Variants in PARP12 observed in about 807,000 individuals in gnomAD.
The protein encoded by PARP12 is poly(ADP-ribose) polymerase family member 12.
PARP12 carries 59 observed loss-of-function variants against 72.4 expected under a neutral mutation model. The ratio of observed to expected loss-of-function variants is 0.81; its 90% CI spans 0.66 to 1.01. The LOEUF (loss-of-function observed/expected upper bound fraction) is 1.01. Among genes scored for constraint, PARP12 ranks in the 50% least tolerant of loss-of-function variants. PARP12 has a pLI of 0.00. For synonymous variants in PARP12, 403 were observed against 371.4 expected, an observed-to-expected ratio of 1.09 and a Z score of -0.98; for missense variants, 851 against 914.0, an observed-to-expected ratio of 0.93 and a Z score of 0.89.
intron 4 of PARP12, among the ~76,000 whole-genome samples, chr7:140,050,646 T>C (rs976698388): frequency 2.0e-5 from 3 of 152,124 alleles, no homozygotes; most frequent in African/African-American, 7.2e-5. Context: ...GAAACAGCGA[T>C]ACCTAAGGAC....
At chr7:140,054,885 G>C in intron 3 of PARP12, 122 bp from the exon 4 acceptor site, 2 of 789,938 alleles carry the variant, frequency 2.5e-6, no homozygotes, top group Non-Finnish European at 4.1e-6. Context: ...GCCCTATCGT[G>C]TTTGGGGTGA....
At chr7:140,033,094 A>G (rs1585085533) in intron 8 of PARP12, 3 of 720,818 alleles carry the variant, frequency 4.2e-6, no homozygotes, top group Non-Finnish European at 5.1e-6. Flanking sequence ...CTGGGACTAC[A>G]GGCGCACAGG....
At chr7:140,046,751 TG>T in intron 5 of PARP12, 132 bp downstream of exon 5, 1 of 867,372 alleles carries the variant, frequency 1.2e-6, no homozygotes, top group Non-Finnish European at 1.8e-6. Context: ...TGTGTGTGTG[TG>T]TGTGTCACAC....
At chr7:140,053,629 G>GTATATATATATA (rs747571766) in intron 4 of PARP12, among the ~76,000 whole-genome samples, 1 of 151,730 alleles carries the variant, frequency 6.6e-6, no homozygotes, top group East Asian at 1.9e-4. Context: ...ATATATGTGT[G>GTATATATATATA]TGTATATATA....
At chr7:140,027,934 C>A (rs1815797639) in intron 9 of PARP12, among the ~76,000 whole-genome samples, 1 of 152,112 alleles carries the variant, frequency 6.6e-6, no homozygotes, top group African/African-American at 2.4e-5. Context: ...ACATGTTGAA[C>A]CCCTTTAGGT....
In PARP12 at chr7:140,027,333, T is replaced by A; in HGVS notation, c.1571A>T (p.Tyr524Phe). ...TACTCGCTCAATCTTCTGAACAAAGTAGAAAGGCAGCGTGCGGTTAAAGAG... is the reference window on the plus strand; with the variant it reads ...TACTCGCTCAATCTTCTGAACAAAGAAGAAAGGCAGCGTGCGGTTAAAGAG... Reference protein sequence around the residue: ...WNLFNRTLPFYFVQKIERVQN... With the variant: ...WNLFNRTLPFFFVQKIERVQN... Residue 524 changes from tyrosine (Y) to phenylalanine (F), a missense_variant, in exon 10 of 12, where the codon TAC (tyrosine) becomes TTC (phenylalanine). Transcript: ENST00000263549. 1 of 1,613,832 alleles carries A rather than the reference T, an allele frequency of 6.2e-7. No homozygotes were observed. Among genetic ancestry groups the A allele is most frequent in the Non-Finnish European group, 8.5e-7 (1 of 1,179,968 alleles).
chr7:140,062,455 G>A (rs965498388), intron 1 of PARP12, 67 bp downstream of exon 1: 35 of 1,433,358 alleles, frequency 2.4e-5, no homozygotes, highest in Non-Finnish European at 3.1e-5. Context: ...GGACCCCCAA[G>A]CGGGCTGGAA....
intron 4 of PARP12, among the ~76,000 whole-genome samples, chr7:140,052,373 G>C (rs779177487): frequency 6.6e-6 from 1 of 152,058 alleles, no homozygotes; most frequent in Non-Finnish European, 1.5e-5. Flanking sequence ...GATGTGCATA[G>C]CTCCATCTTT....
chr7:140,041,891 C>T (rs777812249), intron 5 of PARP12, 52 bp from the exon 6 acceptor site: 1 of 1,450,930 alleles, frequency 6.9e-7, no homozygotes, highest in South Asian at 1.2e-5. Context: ...CAAGCAGACA[C>T]AGGTCCCTCA....
At chr7:140,048,765 C>T (rs1816838586) in intron 4 of PARP12, among the ~76,000 whole-genome samples, 1 of 152,114 alleles carries the variant, frequency 6.6e-6, no homozygotes, top group Admixed American at 6.5e-5. Context: ...AAAAATTATA[C>T]ATCTAATTAA....
rs560316636 is a variant in PARP12 at position 140,034,439 on chromosome 7, T to C, written c.1325-108A>G. ...AGATAGATTTGAAAGCTTATCCAAA[T>C]GTGTAAAACCCAGAATCAGTCTGTT... is the stretch of plus-strand genomic sequence containing the variant. On this transcript the variant is annotated intron_variant, in intron 7 of 11. Coordinates refer to ENST00000263549, the MANE Select transcript of PARP12 (RefSeq NM_022750.4). 1.4e-5 allele frequency: 13 copies of C among 930,420 alleles called. 1 individual carries two copies. The Admixed American group carries it at 2.0e-4, about 14-fold the overall frequency. 57.6% of individuals were successfully genotyped at this position (930,420 alleles called of 1,614,324 possible).
chr7:140,062,683 C>G lies in PARP12; in HGVS notation c.165G>C (p.Ala55=). 1.6e-6 allele frequency: 2 copies of G among 1,281,990 alleles called. No homozygotes were observed. Among genetic ancestry groups the G allele is most frequent in the Non-Finnish European group, 2.0e-6 (2 of 1,014,128 alleles). The allele number at this position is 1,281,990 out of a possible 1,614,324, so 79.4% of individuals were successfully genotyped here. Residue 55 remains alanine (A), a synonymous_variant, in exon 1 of 12, where the codon GCG becomes GCC. Transcript: ENST00000263549. ...GCTCCGGGGCCGCGGCTGCGCCGCC[C>G]GCCCGCACCGCCACCACGAAGCGCC... is the stretch of plus-strand genomic sequence containing the variant. ...QRGRFVVAVR[A]GGAAAAPERV... is the part of the protein sequence containing the mutation.
At chr7:140,032,176 G>A (rs1028565903) in intron 8 of PARP12, among the ~76,000 whole-genome samples, 1 of 152,022 alleles carries the variant, frequency 6.6e-6, no homozygotes, top group Non-Finnish European at 1.5e-5. Context: ...GAAGTCCACT[G>A]ACCCATCTTT....
At chr7:140,035,250 C>T (rs1816102300) in intron 7 of PARP12, among the ~76,000 whole-genome samples, 1 of 152,182 alleles carries the variant, frequency 6.6e-6, no homozygotes, top group South Asian at 2.1e-4. Flanking sequence ...AGCCCATGAT[C>T]CAGATGCAGC....
Position 140,038,096 on chromosome 7 carries a change from A to C in PARP12, c.1183-240T>G, listed in dbSNP as rs75492370. On this transcript the variant is annotated intron_variant, in intron 6 of 11. Coordinates refer to ENST00000263549, the MANE Select transcript of PARP12 (RefSeq NM_022750.4). The stretch of plus-strand genomic sequence containing the variant: ...TAAATATGGGTCCTGCTGAGCAGGA[A>C]GACAGGGATGGGAGCAACGGAGAGG... 2.7e-5 allele frequency: 27 copies of C among 985,446 alleles called. 1 individual carries two copies. In the East Asian group the frequency reaches 3.0e-3, roughly 108 times the overall value. 61.0% of individuals were successfully genotyped at this position (985,446 alleles called of 1,614,324 possible).
intron 8 of PARP12, among the ~76,000 whole-genome samples, chr7:140,030,795 T>G (rs1311997085): frequency 6.6e-6 from 1 of 152,240 alleles, no homozygotes; most frequent in Non-Finnish European, 1.5e-5. Flanking sequence ...GATTTTCTTG[T>G]GGTTTTTATT....
At chr7:140,059,027 G>A (rs1201117213) in intron 1 of PARP12, among the ~76,000 whole-genome samples, 3 of 151,812 alleles carry the variant, frequency 2.0e-5, no homozygotes, top group African/African-American at 4.8e-5. Flanking sequence ...CCCAGGAGGC[G>A]GAGGCCGTGG....
At chr7:140,027,238 CAG>C (rs778441959) in intron 10 of PARP12, 36 bp downstream of exon 10, 1 of 1,603,504 alleles carries the variant, frequency 6.2e-7, no homozygotes, top group Non-Finnish European at 8.5e-7. Flanking sequence ...TGTGAAGGGA[CAG>C]AGTCACCAGC....
chr7:140,057,271 A>G (rs559192073), intron 2 of PARP12, 118 bp from the exon 3 acceptor site: 1 of 961,782 alleles, frequency 1.0e-6, no homozygotes, highest in East Asian at 2.4e-5. Flanking sequence ...CATCATCCAC[A>G]CAGAACACAG....
Sources: allele counts gnomAD v4.1 joint callset (sites outside exome capture counted in the v4.1 genomes callset), GRCh38; gene constraint gnomAD v4.1.1; transcripts MANE v1.5; gene names NCBI Gene and HGNC (gene_info 2026-07-23, HGNC 2026-07-21).